Variants in PTPRN2 observed in about 807,000 individuals in gnomAD.
PTPRN2 encodes receptor-type tyrosine-protein phosphatase N2.
In PTPRN2, 74 loss-of-function variants were observed where a neutral mutation model predicts 118.8. That is an observed-to-expected ratio of 0.62 (90% CI 0.52 to 0.76). The LOEUF (loss-of-function observed/expected upper bound fraction) is 0.76. Among genes scored for constraint, PTPRN2 ranks in the 30% least tolerant of loss-of-function variants. The probability of loss-of-function intolerance (pLI) is 0.00; values close to 1 mark genes in which losing one functional copy is unlikely to be tolerated. For synonymous variants in PTPRN2, 641 were observed against 608.0 expected, an observed-to-expected ratio of 1.05 and a Z score of -0.80; for missense variants, 1,481 against 1,394.4, an observed-to-expected ratio of 1.06 and a Z score of -0.99.
rs558932633 is a variant in PTPRN2, at chr7:157,559,551, A to G, written c.2902+9351T>C. Among the ~76,000 whole-genome samples, 6 of 152,326 alleles carry G rather than the reference A, an allele frequency of 3.9e-5. No homozygotes were observed. In the South Asian group the frequency reaches 1.2e-3, roughly 32 times the overall value. On this transcript the variant is annotated intron_variant, in intron 21 of 22. Transcript: ENST00000389418. The stretch of plus-strand genomic sequence containing the variant: ...CTGTGCCGCAGGAAATGGAGCAACC[A>G]GGCTGTGAGCAAGATGCGCACAGAG...
At chr7:157,635,866 A>C (rs1804283836) in intron 14 of PTPRN2, among the ~76,000 whole-genome samples, 1 of 152,192 alleles carries the variant, frequency 6.6e-6, no homozygotes, top group Non-Finnish European at 1.5e-5. Context: ...GGACATTTGG[A>C]ACTATTGCAT....
intron 16 of PTPRN2, among the ~76,000 whole-genome samples, chr7:157,599,775 C>A (rs920736218): frequency 6.6e-6 from 1 of 152,206 alleles, no homozygotes; most frequent in East Asian, 1.9e-4. Flanking sequence ...ATGGGTGTCA[C>A]GTCTTTACTC....
chr7:158,320,852 G>A (rs896508182), intron 2 of PTPRN2, among the ~76,000 whole-genome samples: 4 of 152,156 alleles, frequency 2.6e-5, no homozygotes, highest in Admixed American at 2.6e-4. Context: ...CTACCTGCTT[G>A]ATTTTAAGGG....
chr7:158,161,602 T>C (rs895021505), intron 6 of PTPRN2, among the ~76,000 whole-genome samples: 9 of 152,204 alleles, frequency 5.9e-5, no homozygotes, highest in African/African-American at 9.6e-5. Flanking sequence ...ACAGACCTCA[T>C]TATAAAATGA....
chr7:158,133,639 C>T (rs1300991415), intron 9 of PTPRN2, 38 bp downstream of exon 9: 2 of 1,523,310 alleles, frequency 1.3e-6, no homozygotes, highest in East Asian at 4.5e-5. Context: ...ACAAGCCCTC[C>T]CTCGGCACAC....
In PTPRN2 at chr7:157,603,145, G is replaced by GC. The variant is rs1345030529; in HGVS notation, c.2418+856dup. Among the ~76,000 whole-genome samples the GC allele has an allele frequency of 7.6e-6, 1 of 131,286 alleles. No individual in the cohort carries two copies. Among genetic ancestry groups the GC allele is most frequent in the Non-Finnish European group, 1.6e-5 (1 of 61,658 alleles). The allele number at this position is 131,286 out of a possible 152,430, so 86.1% of individuals were successfully genotyped here. ...CCGGCCCTGGACAGTGTCCCATCCC[G>GC]CCCCCGCCACCTGCCACCATCACTG... On this transcript the variant is annotated intron_variant, in intron 16 of 22. Transcript: ENST00000389418. The surrounding 1 kb of genome is among the most constrained non-coding windows in gnomAD (Gnocchi z 5.4).
chr7:158,411,187 C>T (rs12533529), intron 2 of PTPRN2, among the ~76,000 whole-genome samples: 66,563 of 152,030 alleles, frequency 0.44, 15,128 homozygotes, highest in African/African-American at 0.48. Flanking sequence ...ATGAGCACCC[C>T]ATCCCTTACA....
rs553831982 is a variant in PTPRN2 at position 157,804,133 on chromosome 7, G to A, written c.1788+94540C>T. ...GTAAGGGATTCCTTAAGAAACAGGC[G>A]CAAGCCCTTATTTCGTAGCATCTAA... On this transcript the variant is annotated intron_variant, in intron 12 of 22. Coordinates refer to ENST00000389418, the MANE Select transcript of PTPRN2 (RefSeq NM_002847.5). 4.9e-4 allele frequency among the ~76,000 whole-genome samples: 75 copies of A among 152,330 alleles called. 1 individual carries two copies. In the South Asian group the frequency reaches 0.013, roughly 27 times the overall value.
chr7:158,061,083 C>T (rs1810291521), intron 11 of PTPRN2, among the ~76,000 whole-genome samples: 1 of 152,248 alleles, frequency 6.6e-6, no homozygotes, highest in South Asian at 2.1e-4. Flanking sequence ...CAACCCTGAG[C>T]CAGGCGGCTT....
chr7:158,102,735 A>ACACTTGCACTTAAGATGCAAGTGTG (rs926838476), intron 10 of PTPRN2, among the ~76,000 whole-genome samples: 11 of 152,172 alleles, frequency 7.2e-5, no homozygotes, highest in South Asian at 2.1e-4. Context: ...CGCTTGAATC[A>ACACTTGCACTTAAGATGCAAGTGTG]CACTTGCACT....
chr7:158,415,064 TACTTCTCTGATGATACAAC>T (rs1814541693), intron 2 of PTPRN2, among the ~76,000 whole-genome samples: 2 of 151,174 alleles, frequency 1.3e-5, no homozygotes, highest in Admixed American at 6.6e-5. Context: ...TACAACCAGC[TACTTCTCTGATGATACAAC>T]CAGCTACTTC....
intron 3 of PTPRN2, among the ~76,000 whole-genome samples, chr7:158,217,081 T>C (rs919025792): frequency 6.6e-6 from 1 of 152,232 alleles, no homozygotes. Flanking sequence ...GTGAAATTTT[T>C]AGCACTAAAT....
chr7:158,375,774 A>G lies in PTPRN2; in HGVS notation c.164-58842T>C, dbSNP rs113945190. On this transcript the variant is annotated intron_variant, in intron 2 of 22. Coordinates refer to ENST00000389418, the MANE Select transcript of PTPRN2 (RefSeq NM_002847.5). ...TGTCAGGGAAGGAGAGAAGAGAAGGAGCGTGTGAATGTCAAGAGGAGTTCG... is the reference window on the plus strand; with the variant it reads ...TGTCAGGGAAGGAGAGAAGAGAAGGGGCGTGTGAATGTCAAGAGGAGTTCG... 7.2e-3 allele frequency among the ~76,000 whole-genome samples: 1,094 copies of G among 152,078 alleles called. 10 individuals are homozygous for G. The highest frequency in any genetic ancestry group is 0.025 in the African/African-American group (1,041 of 41,456).
At chr7:157,919,833 A>G (rs1585017183) in intron 11 of PTPRN2, among the ~76,000 whole-genome samples, 1 of 152,234 alleles carries the variant, frequency 6.6e-6, no homozygotes, top group South Asian at 2.1e-4. Context: ...TGGTGGTCCC[A>G]TAAGAGTATG....
rs1027438782 is a variant in PTPRN2, at chr7:157,609,366, A to G, written c.2345-5291T>C. The stretch of plus-strand genomic sequence containing the variant: ...CCATTGCACTCCAGCCTGGACAACA[A>G]GAGTGAAACTCTGTCTCAAAAAAAT... On this transcript the variant is annotated intron_variant, in intron 15 of 22. Coordinates refer to ENST00000389418, the MANE Select transcript of PTPRN2 (RefSeq NM_002847.5). The surrounding 1 kb of genome is among the most constrained non-coding windows in gnomAD (Gnocchi z 4.9). Among the ~76,000 whole-genome samples the G allele has an allele frequency of 1.3e-5, 2 of 152,206 alleles. No individual in the cohort carries two copies. The highest frequency in any genetic ancestry group is 2.4e-5 in the African/African-American group (1 of 41,442).
intron 11 of PTPRN2, among the ~76,000 whole-genome samples, chr7:158,026,194 TAAGTGCCTA>T (rs1413546620): frequency 3.3e-5 from 5 of 152,240 alleles, no homozygotes. Flanking sequence ...TCATCCGGAG[TAAGTGCCTA>T]TTTAGGAAAA....
At chr7:158,421,727 G>A (rs117718065) in intron 2 of PTPRN2, among the ~76,000 whole-genome samples, 8 of 152,288 alleles carry the variant, frequency 5.3e-5, no homozygotes, top group Admixed American at 1.3e-4. Flanking sequence ...AGTTTTCTCC[G>A]CAGCATGTTC....
rs1816707866 is a variant in PTPRN2 at position 158,438,163 on chromosome 7, A to G, written c.163+51572T>C. On this transcript the variant is annotated intron_variant, in intron 2 of 22. Coordinates refer to ENST00000389418, the MANE Select transcript of PTPRN2 (RefSeq NM_002847.5). The surrounding 1 kb of genome is among the most constrained non-coding windows in gnomAD (Gnocchi z 4.7). Reference sequence around the variant, plus strand: ...GAGGCTGAGGTGGGCGGATCACCTGAGGTCAGGAATTTGAGACCAGCCTGG... The same window carrying G: ...GAGGCTGAGGTGGGCGGATCACCTGGGGTCAGGAATTTGAGACCAGCCTGG... 6.6e-6 allele frequency among the ~76,000 whole-genome samples: 1 copy of G among 152,108 alleles called. No individual in the cohort carries two copies. The highest frequency in any genetic ancestry group is 1.5e-5 in the Non-Finnish European group (1 of 68,000).
At chr7:157,965,208 T>G (rs1000738547) in intron 11 of PTPRN2, among the ~76,000 whole-genome samples, 2 of 152,240 alleles carry the variant, frequency 1.3e-5, no homozygotes, top group South Asian at 4.1e-4. Flanking sequence ...TGACTCCATA[T>G]GTATGAAGAT....
Sources: allele counts gnomAD v4.1 joint callset (sites outside exome capture counted in the v4.1 genomes callset), GRCh38; gene constraint gnomAD v4.1.1; non-coding constraint Gnocchi (gnomAD v3.1); transcripts MANE v1.5; gene names NCBI Gene and HGNC (gene_info 2026-07-23, HGNC 2026-07-21).